Variants in SUSD5 observed in about 807,000 individuals in gnomAD.
SUSD5 encodes the protein sushi domain containing 5.
A neutral mutation model predicts 29.5 loss-of-function variants in SUSD5; 33 were observed. That is an observed-to-expected ratio of 1.12 (90% CI 0.85 to 1.49). SUSD5 has a LOEUF of 1.49. Ranked by LOEUF, SUSD5 falls within the 40% of genes most tolerant of loss-of-function variation. The pLI is 0.00. For missense variants in SUSD5, 776 were observed against 800.6 expected (o/e 0.97, Z 0.37); for synonymous variants, 308 against 325.3 (o/e 0.95, Z 0.57).
At chr3:33,158,732 T>C (rs2031110090) in intron 4 of SUSD5, among the ~76,000 whole-genome samples, 1 of 152,114 alleles carries the variant, frequency 6.6e-6, no homozygotes, top group Non-Finnish European at 1.5e-5. Flanking sequence ...AGGATGAATA[T>C]CCCTGTTCTC....
At chr3:33,165,119 T>A (rs148375802) in intron 4 of SUSD5, among the ~76,000 whole-genome samples, 1 of 152,130 alleles carries the variant, frequency 6.6e-6, no homozygotes, top group Admixed American at 6.5e-5. Flanking sequence ...AGAATGTCCT[T>A]ATAATAGCCC....
Position 33,152,706 on chromosome 3 carries a change from C to T in SUSD5, c.*36G>A. On this transcript the variant is annotated 3_prime_UTR_variant, in exon 5 of 5. Coordinates refer to ENST00000309558, the MANE Select transcript of SUSD5 (RefSeq NM_015551.2). ...TGTGATGTGTCACAGTTATTTTCCT[C>T]CCAAGTGGCTTTGGGAGAACCCACT... The T allele has an allele frequency of 6.4e-7, 1 of 1,555,074 alleles. No homozygotes were observed. Among genetic ancestry groups the T allele is most frequent in the Non-Finnish European group, 8.7e-7 (1 of 1,150,504 alleles).
In SUSD5 at chr3:33,204,062, C is replaced by A. The variant is rs1476812649; in HGVS notation, c.409+3746G>T. Among the ~76,000 whole-genome samples the A allele has an allele frequency of 6.6e-6, 1 of 151,874 alleles. No homozygotes were observed. The highest frequency in any genetic ancestry group is 1.5e-5 in the Non-Finnish European group (1 of 67,952). On this transcript the variant is annotated intron_variant, in intron 3 of 4. Transcript: ENST00000309558. This position sits in a 1 kb window ranked among gnomAD's most constrained non-coding sequence, Gnocchi z 4.5. ...CCAGAGTAGCTGGGAATACAGGGTG[C>A]GCCACCATGCCTGGCTAATTTTTTT...
In SUSD5 at chr3:33,152,398, C is replaced by T. The variant is rs989831692; in HGVS notation, c.*344G>A. ...TCGGGACACTGCACTCCAGCCTGGG[C>T]AACAGCATGAGACTCTGTCTCAAAA... On this transcript the variant is annotated 3_prime_UTR_variant, in exon 5 of 5. Transcript: ENST00000309558. 2 of 211,462 alleles carry T rather than the reference C, an allele frequency of 9.5e-6. No homozygotes were observed. The highest frequency in any genetic ancestry group is 1.9e-5 in the Non-Finnish European group (2 of 105,392). 13.1% of individuals were successfully genotyped at this position (211,462 alleles called of 1,614,324 possible). A position where few individuals can be genotyped will look rare whatever the true frequency, so the allele number is the denominator to read the frequency against.
intron 3 of SUSD5, among the ~76,000 whole-genome samples, chr3:33,182,122 T>C (rs564775804): frequency 6.6e-6 from 1 of 152,358 alleles, no homozygotes; most frequent in South Asian, 2.1e-4. Context: ...TTTTGAAAAG[T>C]ATTTTCATTC....
At chr3:33,169,276 A>C (rs562762869) in intron 4 of SUSD5, among the ~76,000 whole-genome samples, 7 of 152,282 alleles carry the variant, frequency 4.6e-5, no homozygotes, top group African/African-American at 1.7e-4. Context: ...GCTGGAGCAC[A>C]ATGGCACAAT....
At chr3:33,186,821 C>T (rs2031788824) in intron 3 of SUSD5, among the ~76,000 whole-genome samples, 1 of 152,138 alleles carries the variant, frequency 6.6e-6, no homozygotes, top group African/African-American at 2.4e-5. Context: ...GAAGACAGCA[C>T]AGAGTGACAC....
In SUSD5 at chr3:33,152,658, CGTCATGCTCTAGT is replaced by C. The variant is rs977939886; in HGVS notation, c.*71_*83del. 9 of 1,386,972 alleles carry C rather than the reference CGTCATGCTCTAGT, an allele frequency of 6.5e-6. No homozygotes were observed. Among genetic ancestry groups the C allele is most frequent in the Non-Finnish European group, 6.8e-6 (7 of 1,028,076 alleles). 85.9% of individuals were successfully genotyped at this position (1,386,972 alleles called of 1,614,324 possible). On this transcript the variant is annotated 3_prime_UTR_variant, in exon 5 of 5. Transcript: ENST00000309558. ...AAAATGATGAGCCTCAGTCCACCTG[CGTCATGCTCTAGT>C]GAATTATCGTGTGATGTGTCACAGT...
chr3:33,163,333 C>G (rs544456507), intron 4 of SUSD5, among the ~76,000 whole-genome samples: 1 of 151,908 alleles, frequency 6.6e-6, no homozygotes, highest in African/African-American at 2.4e-5. Context: ...TGTCGGTAAG[C>G]TGGGTTAAGC....
At chr3:33,206,246 C>A (rs867283884) in intron 3 of SUSD5, among the ~76,000 whole-genome samples, 1 of 151,894 alleles carries the variant, frequency 6.6e-6, no homozygotes, top group East Asian at 1.9e-4. Context: ...TGGTGGCGGG[C>A]GCCTGTAATC....
At chr3:33,162,510 A>C (rs1026365538) in intron 4 of SUSD5, among the ~76,000 whole-genome samples, 1 of 152,230 alleles carries the variant, frequency 6.6e-6, no homozygotes, top group Non-Finnish European at 1.5e-5. Flanking sequence ...CTTTGAACTG[A>C]CGAGTAAGGT....
At position 33,198,002 on chromosome 3, in the gene SUSD5, C is replaced by T. The variant is rs577667691; in HGVS notation, c.409+9806G>A. Among the ~76,000 whole-genome samples, 39 of 152,086 alleles carry T rather than the reference C, an allele frequency of 2.6e-4. No individual in the cohort carries two copies. In the South Asian group the frequency reaches 5.0e-3, roughly 19 times the overall value. ...CCAGGCATGGAATTACTTGGTTGTA[C>T]GCATATTAGCTGTATATATAATACA... On this transcript the variant is annotated intron_variant, in intron 3 of 4. Coordinates refer to ENST00000309558, the MANE Select transcript of SUSD5 (RefSeq NM_015551.2).
chr3:33,155,785 T>A (rs775985977), intron 4 of SUSD5, among the ~76,000 whole-genome samples: 37 of 152,162 alleles, frequency 2.4e-4, no homozygotes, highest in Non-Finnish European at 4.9e-4. Flanking sequence ...AAGTGCACAC[T>A]CTGTGTTGAT....
chr3:33,175,573 A>G (rs1453662420), intron 3 of SUSD5, among the ~76,000 whole-genome samples: 1 of 151,744 alleles, frequency 6.6e-6, no homozygotes, highest in African/African-American at 2.4e-5. Context: ...CTATATATAT[A>G]TATACACACA....
intron 3 of SUSD5, among the ~76,000 whole-genome samples, chr3:33,203,493 G>C (rs1168284311): frequency 6.6e-6 from 1 of 152,236 alleles, no homozygotes; most frequent in Admixed American, 6.5e-5. Context: ...GCTGGGGTGA[G>C]CTGCTCTGGG....
chr3:33,205,295 T>C (rs74408373), intron 3 of SUSD5, among the ~76,000 whole-genome samples: 5,832 of 152,288 alleles, frequency 0.038, 319 homozygotes, highest in African/African-American at 0.13. Context: ...TTGTATTTCA[T>C]TGACAAGTCT....
chr3:33,172,886 CA>C (rs2031466783), intron 4 of SUSD5, among the ~76,000 whole-genome samples: 1 of 151,932 alleles, frequency 6.6e-6, no homozygotes, highest in African/African-American at 2.4e-5. Context: ...CTAATGACTA[CA>C]AAAAATGTGT....
chr3:33,186,900 T>C (rs534772631), intron 3 of SUSD5, among the ~76,000 whole-genome samples: 2 of 152,186 alleles, frequency 1.3e-5, no homozygotes, highest in Non-Finnish European at 2.9e-5. Context: ...ATTTCACCTA[T>C]ATGGCAATTC....
At position 33,204,628 on chromosome 3, in the gene SUSD5, T is replaced by C. The variant is rs1376818490; in HGVS notation, c.409+3180A>G. Among the ~76,000 whole-genome samples, 3 of 3,388 alleles carry C rather than the reference T, an allele frequency of 8.9e-4. No individual in the cohort carries two copies. The highest frequency in any genetic ancestry group is 3.0e-3 in the African/African-American group (3 of 990). 2.2% of individuals were successfully genotyped at this position (3,388 alleles called of 152,430 possible). On this transcript the variant is annotated intron_variant, in intron 3 of 4. Transcript: ENST00000309558. The surrounding 1 kb of genome is among the most constrained non-coding windows in gnomAD (Gnocchi z 4.5). ...GAGCCACCACACCCGGCCTGTTTTATTTTGTTTTGTTTTGTTTTGTTTTGT... is the reference window on the plus strand; with the variant it reads ...GAGCCACCACACCCGGCCTGTTTTACTTTGTTTTGTTTTGTTTTGTTTTGT...
Sources: allele counts gnomAD v4.1 joint callset (sites outside exome capture counted in the v4.1 genomes callset), GRCh38; gene constraint gnomAD v4.1.1; non-coding constraint Gnocchi (gnomAD v3.1); transcripts MANE v1.5; gene names NCBI Gene and HGNC (gene_info 2026-07-23, HGNC 2026-07-21).